The following MACROD2 variants were observed in gnomAD, a reference collection of about 807,000 sequenced individuals.
MACROD2 encodes mono-ADP ribosylhydrolase 2.
Under a neutral mutation model 70.4 loss-of-function variants are expected in MACROD2, and 36 were observed. The observed-to-expected ratio is 0.51, with a 90% CI of 0.39 to 0.68. The LOEUF is 0.68. Among genes scored for constraint, MACROD2 ranks in the 30% least tolerant of loss-of-function variants. The pLI is 0.00. For synonymous variants in MACROD2, 172 were observed against 178.8 expected (o/e 0.96, Z 0.30); for missense variants, 496 against 538.4 (o/e 0.92, Z 0.78).
At chr20:15,536,875 T>C (rs2047882255) in intron 8 of MACROD2, among the ~76,000 whole-genome samples, 1 of 152,174 alleles carries the variant, frequency 6.6e-6, no homozygotes, top group Non-Finnish European at 1.5e-5. Context: ...TTATAATGCT[T>C]AAGTGGAGTT....
intron 4 of MACROD2, among the ~76,000 whole-genome samples, chr20:14,560,451 A>G (rs796706658): frequency 6.6e-6 from 1 of 151,904 alleles, no homozygotes; most frequent in African/African-American, 2.4e-5. Context: ...GCCTCACCAA[A>G]TCATATGTGG....
chr20:15,971,462 G>A (rs756579691), intron 13 of MACROD2, among the ~76,000 whole-genome samples: 43 of 152,214 alleles, frequency 2.8e-4, no homozygotes, highest in Non-Finnish European at 5.9e-4. Flanking sequence ...TAAGACATGC[G>A]GTTGCACCTC....
In MACROD2 at chr20:13,995,548, C is replaced by T. The variant is rs1748833693; in HGVS notation, c.-216C>T. ...TCTGAGGTGCTGCTGTGGCGGCGTC[C>T]GCGGGGCTGAGGCGGGTGGGAGCCG... On this transcript the variant is annotated 5_prime_UTR_variant, in exon 1 of 18. Transcript: ENST00000684519. This position sits in a 1 kb window ranked among gnomAD's most constrained non-coding sequence, Gnocchi z 4.3. 1 of 638,810 alleles carries T rather than the reference C, an allele frequency of 1.6e-6. No individual in the cohort carries two copies. Among genetic ancestry groups the T allele is most frequent in the Non-Finnish European group, 2.9e-6 (1 of 348,168 alleles). The allele number at this position is 638,810 out of a possible 1,614,324, so 39.6% of individuals were successfully genotyped here. A position where few individuals can be genotyped will look rare whatever the true frequency, so the allele number is the denominator to read the frequency against.
intron 8 of MACROD2, among the ~76,000 whole-genome samples, chr20:15,771,856 G>A (rs2051633369): frequency 6.7e-6 from 1 of 149,220 alleles, no homozygotes; most frequent in African/African-American, 2.5e-5. Context: ...AGGCCGAGGT[G>A]GGCGGATCAA....
intron 6 of MACROD2, among the ~76,000 whole-genome samples, chr20:15,353,499 A>C (rs1348417934): frequency 1.3e-5 from 2 of 152,154 alleles, no homozygotes; most frequent in Non-Finnish European, 2.9e-5. Flanking sequence ...CAAAATTGAC[A>C]AATGGGATCT....
At chr20:15,573,536 C>T (rs919814547) in intron 8 of MACROD2, among the ~76,000 whole-genome samples, 54 of 152,130 alleles carry the variant, frequency 3.5e-4, no homozygotes, top group African/African-American at 1.3e-3. Context: ...CAAGAACTCC[C>T]TTATAAGTAG....
At chr20:14,642,782 T>C (rs1157494997) in intron 4 of MACROD2, among the ~76,000 whole-genome samples, 2 of 152,012 alleles carry the variant, frequency 1.3e-5, no homozygotes, top group Non-Finnish European at 2.9e-5. Context: ...AGATCACTGA[T>C]CAGAGATCAC....
rs1183156001 is a variant in MACROD2 at position 15,724,534 on chromosome 20, A to T, written c.646-138211A>T. On this transcript the variant is annotated intron_variant, in intron 8 of 17. Coordinates refer to ENST00000684519, the MANE Select transcript of MACROD2 (RefSeq NM_001351661.2). The stretch of plus-strand genomic sequence containing the variant: ...CCAGTTGCTCCAGAACCATTTGCTT[A>T]AAAGACTATCTTTGTTCTATTGTAT... 2.0e-5 allele frequency among the ~76,000 whole-genome samples: 3 copies of T among 151,956 alleles called. No individual in the cohort carries two copies. The South Asian group carries it at 6.2e-4, about 32-fold the overall frequency.
chr20:16,028,339 C>T (rs1456726575), intron 15 of MACROD2, among the ~76,000 whole-genome samples: 2 of 150,866 alleles, frequency 1.3e-5, no homozygotes, highest in East Asian at 3.9e-4. Context: ...GTGCCTCATT[C>T]ATTTTGTATC....
chr20:15,352,030 G>T lies in MACROD2; in HGVS notation c.541-79375G>T, dbSNP rs78089660. On this transcript the variant is annotated intron_variant, in intron 6 of 17. Transcript: ENST00000684519. ...AAAAGAGACTCTGTTAGTTGGTGTT[G>T]GGTGCTTAAATTAGGAGATCATCTG... is the stretch of plus-strand genomic sequence containing the variant. Among the ~76,000 whole-genome samples the T allele has an allele frequency of 9.4e-3, 1,432 of 152,266 alleles. 31 individuals are homozygous for T. Among genetic ancestry groups the T allele is most frequent in the African/African-American group, 0.033 (1,357 of 41,552 alleles).
At chr20:15,452,086 A>C (rs2046651954) in intron 7 of MACROD2, among the ~76,000 whole-genome samples, 1 of 152,146 alleles carries the variant, frequency 6.6e-6, no homozygotes, top group Admixed American at 6.5e-5. Flanking sequence ...ATCAGCCATC[A>C]GTCAGGTAGT....
rs531948255 is a variant in MACROD2 at position 14,477,694 on chromosome 20, C to T, written c.272-15785C>T. Among the ~76,000 whole-genome samples the T allele has an allele frequency of 3.9e-5, 6 of 152,064 alleles. No individual in the cohort carries two copies. In the East Asian group the frequency reaches 9.7e-4, roughly 25 times the overall value. Reference sequence around the variant, plus strand: ...TGACTCCATACACTGGCATCATTATCGTTAATATTTTATATATTAATTTTA... The same window carrying T: ...TGACTCCATACACTGGCATCATTATTGTTAATATTTTATATATTAATTTTA... On this transcript the variant is annotated intron_variant, in intron 3 of 17. Transcript: ENST00000684519.
chr20:15,572,007 C>T (rs1190866213), intron 8 of MACROD2, among the ~76,000 whole-genome samples: 2 of 152,058 alleles, frequency 1.3e-5, no homozygotes, highest in East Asian at 3.8e-4. Flanking sequence ...TTAACATCCC[C>T]TGGAATCAAA....
At chr20:15,850,627 A>T (rs1477064770) in intron 8 of MACROD2, among the ~76,000 whole-genome samples, 1 of 152,210 alleles carries the variant, frequency 6.6e-6, no homozygotes, top group Non-Finnish European at 1.5e-5. Context: ...ATTAGGCAAG[A>T]TAGACATCTG....
chr20:15,109,715 G>T (rs115494920), intron 5 of MACROD2, among the ~76,000 whole-genome samples: 2 of 152,128 alleles, frequency 1.3e-5, no homozygotes, highest in African/African-American at 2.4e-5. Flanking sequence ...GCATAAATAC[G>T]TGCACAATCA....
At chr20:15,083,709 A>G (rs1202860255) in intron 5 of MACROD2, among the ~76,000 whole-genome samples, 2 of 152,200 alleles carry the variant, frequency 1.3e-5, no homozygotes, top group East Asian at 1.9e-4. Context: ...TAATAAAGGC[A>G]TATGTGCCTT....
chr20:15,551,270 T>C (rs541297587), intron 8 of MACROD2, among the ~76,000 whole-genome samples: 1 of 152,008 alleles, frequency 6.6e-6, no homozygotes, highest in Non-Finnish European at 1.5e-5. Context: ...ACACTCTGAC[T>C]ACTTCTCAGC....
At chr20:15,914,791 G>A (rs532085557) in intron 10 of MACROD2, among the ~76,000 whole-genome samples, 42 of 152,142 alleles carry the variant, frequency 2.8e-4, no homozygotes, top group Non-Finnish European at 5.7e-4. Context: ...GATACCCATG[G>A]CAAGTCCAGG....
At chr20:15,010,830 G>A (rs897784639) in intron 5 of MACROD2, among the ~76,000 whole-genome samples, 4 of 152,126 alleles carry the variant, frequency 2.6e-5, no homozygotes, top group African/African-American at 9.7e-5. Flanking sequence ...TGTCTTGCTT[G>A]TATCAGGAGC....
Sources: gnomAD v4.1 joint callset for allele counts (sites outside exome capture counted in the v4.1 genomes callset) on GRCh38, gnomAD v4.1.1 for gene constraint, Gnocchi (gnomAD v3.1) non-coding constraint, MANE v1.5 for transcripts, NCBI Gene and HGNC (gene_info 2026-07-23, HGNC 2026-07-21) for gene names.